The following SUPT5H variants were observed in gnomAD, a reference collection of about 807,000 sequenced individuals.
The protein encoded by SUPT5H is SPT5 homolog, DSIF elongation factor subunit.
SUPT5H carries 24 observed loss-of-function variants against 142.5 expected under a neutral mutation model. The ratio of observed to expected loss-of-function variants is 0.17; its 90% CI spans 0.12 to 0.24. The LOEUF (loss-of-function observed/expected upper bound fraction) is 0.24, where lower values mean the gene tolerates loss of function less well. SUPT5H is among the 10% of genes least tolerant of loss of function. The pLI is 1.00. For synonymous variants in SUPT5H, 546 were observed against 553.0 expected (o/e 0.99, Z 0.18); for missense variants, 893 against 1,471.8 (o/e 0.61, Z 6.43).
rs1486206860 is a variant in SUPT5H at position 39,473,244 on chromosome 19, G to GGACGCCCATGTATGGCTCCCA, written c.2319_2339dup (p.Gln774_Ser780dup). 2 of 1,613,590 alleles carry GGACGCCCATGTATGGCTCCCA rather than the reference G, an allele frequency of 1.2e-6. No homozygotes were observed. On this transcript the variant is annotated inframe_insertion, in exon 24 of 30. Coordinates refer to ENST00000432763, the MANE Select transcript of SUPT5H (RefSeq NM_001111020.3). The surrounding 1 kb of genome is among the most constrained non-coding windows in gnomAD (Gnocchi z 5.8). ...GGCGGCATGACCTCGACCTATGGGA[G>GGACGCCCATGTATGGCTCCCA]GACGCCCATGTATGGCTCCCAGACG...
chr19:39,473,359 G>A lies in SUPT5H; in HGVS notation c.2386+29G>A. The stretch of plus-strand genomic sequence containing the variant: ...AGTGCCCGCAGGGGACAGGGAAGAG[G>A]GGCTAGGGGGACCTAGAGAAGGGAC... On this transcript the variant is annotated intron_variant, in intron 24 of 29. Coordinates refer to ENST00000432763, the MANE Select transcript of SUPT5H (RefSeq NM_001111020.3). The surrounding 1 kb of genome is among the most constrained non-coding windows in gnomAD (Gnocchi z 5.8). The A allele has an allele frequency of 6.2e-7, 1 of 1,613,474 alleles. No homozygotes were observed. Among genetic ancestry groups the A allele is most frequent in the Non-Finnish European group, 8.5e-7 (1 of 1,179,868 alleles).
At position 39,458,330 on chromosome 19, in the gene SUPT5H, C is replaced by A. The variant is rs1568423152; in HGVS notation, c.319+25C>A. The A allele has an allele frequency of 6.4e-7, 1 of 1,566,760 alleles. No individual in the cohort carries two copies. The highest frequency in any genetic ancestry group is 8.7e-7 in the Non-Finnish European group (1 of 1,150,514). ...GGTAAGAATATGAAAAGTGTGATTC[C>A]CTGACCTTCCTCCCATATCCTGACA... On this transcript the variant is annotated intron_variant, in intron 5 of 29. Coordinates refer to ENST00000432763, the MANE Select transcript of SUPT5H (RefSeq NM_001111020.3). The surrounding 1 kb of genome is among the most constrained non-coding windows in gnomAD (Gnocchi z 4.2).
chr19:39,476,620 C>A lies in SUPT5H; in HGVS notation c.*221C>A. On this transcript the variant is annotated 3_prime_UTR_variant, in exon 30 of 30. Transcript: ENST00000432763. The stretch of plus-strand genomic sequence containing the variant: ...ACCTTCCTGTACCTCCTCCCCACAG[C>A]TTGCTTTTGTTGTACCGTCTTTCAA... 1 of 593,260 alleles carries A rather than the reference C, an allele frequency of 1.7e-6. No homozygotes were observed. The highest frequency in any genetic ancestry group is 2.9e-6 in the Non-Finnish European group (1 of 341,120). 36.7% of individuals were successfully genotyped at this position (593,260 alleles called of 1,614,324 possible). A position where few individuals can be genotyped will look rare whatever the true frequency, so the allele number is the denominator to read the frequency against.
Position 39,473,842 on chromosome 19 carries a change from C to A in SUPT5H, c.2493-121C>A. 1 of 1,374,082 alleles carries A rather than the reference C, an allele frequency of 7.3e-7. No homozygotes were observed. Among genetic ancestry groups the A allele is most frequent in the South Asian group, 1.2e-5 (1 of 83,426 alleles). 85.1% of individuals were successfully genotyped at this position (1,374,082 alleles called of 1,614,324 possible). On this transcript the variant is annotated intron_variant, in intron 25 of 29. Transcript: ENST00000432763. This position sits in a 1 kb window ranked among gnomAD's most constrained non-coding sequence, Gnocchi z 5.8. The stretch of plus-strand genomic sequence containing the variant: ...AAGGGAAATAACATCAGGAGTGCCT[C>A]TGGATGGGGCTCCCGTGAGAATGAA...
chr19:39,461,114 AC>A (rs1039191815), intron 10 of SUPT5H, among the ~76,000 whole-genome samples: 1 of 151,716 alleles, frequency 6.6e-6, no homozygotes, highest in Admixed American at 6.6e-5. Context: ...ACATGGTGAA[AC>A]CTTGTCCCTA....
intron 2 of SUPT5H, among the ~76,000 whole-genome samples, chr19:39,451,699 C>G (rs1049033952): frequency 6.6e-6 from 1 of 151,854 alleles, no homozygotes; most frequent in Non-Finnish European, 1.5e-5. Flanking sequence ...GCTGGGCTAG[C>G]TTTTGTATTT....
At chr19:39,464,674 T>A (rs948404657) in intron 10 of SUPT5H, 124 bp from the exon 11 acceptor site, 1 of 1,389,996 alleles carries the variant, frequency 7.2e-7, no homozygotes, top group Non-Finnish European at 9.7e-7. Flanking sequence ...TGTGTCCATG[T>A]CATTGTGCCA....
rs780810398 is a variant in SUPT5H, at chr19:39,471,476, C to T, written c.1797C>T (p.Ile599=). The change falls in exon 19 of 30, where the codon ATC becomes ATT. Residue 599 remains isoleucine, a synonymous_variant. Coordinates refer to ENST00000432763, the MANE Select transcript of SUPT5H (RefSeq NM_001111020.3). ...SEQNNIHVKD[I]VKVIDGPHSG... ...AGAACAACATCCATGTGAAAGACATCGTTAAGGTCATTGATGGCCCCCACT... is the reference window on the plus strand; with the variant it reads ...AGAACAACATCCATGTGAAAGACATTGTTAAGGTCATTGATGGCCCCCACT... 5.0e-6 allele frequency: 8 copies of T among 1,614,084 alleles called. No individual in the cohort carries two copies. In the East Asian group the frequency reaches 6.7e-5, roughly 13 times the overall value.
chr19:39,465,138 G>A, intron 11 of SUPT5H, 89 bp downstream of exon 11: 6 of 1,512,260 alleles, frequency 4.0e-6, no homozygotes, highest in Non-Finnish European at 5.3e-6. Context: ...TCTTTGTGCT[G>A]CAGAGAATAG....
Position 39,453,474 on chromosome 19 carries a change from G to A in SUPT5H, c.194G>A (p.Arg65Gln), listed in dbSNP as rs895933750. The A allele has an allele frequency of 5.8e-6, 9 of 1,550,356 alleles. No individual in the cohort carries two copies. Among genetic ancestry groups the A allele is most frequent in the African/African-American group, 2.7e-5 (2 of 72,980 alleles). ...DEEEEEEDDD[R>Q]PPKKPRHGGF... is the part of the protein sequence containing the mutation. Reference sequence around the variant, plus strand: ...GAAGAGGAGGAAGAAGATGATGACCGACCCCCCAAGAAACCCCGCCATGGA... The same window carrying A: ...GAAGAGGAGGAAGAAGATGATGACCAACCCCCCAAGAAACCCCGCCATGGA... Residue 65 changes from arginine (R) to glutamine (Q), a missense_variant, in exon 3 of 30, where the codon CGA (arginine) becomes CAA (glutamine). By Grantham distance (43) the Arg-to-Gln change is conservative (BLOSUM62 1). This residue lies in a region of SUPT5H where 19 missense variants were observed against 27.2 expected (regional missense o/e 0.70). Transcript: ENST00000432763.
rs372350494 is a variant in SUPT5H, at chr19:39,472,966, A to G, written c.2155+37A>G. On this transcript the variant is annotated intron_variant, in intron 22 of 29. Transcript: ENST00000432763. This position sits in a 1 kb window ranked among gnomAD's most constrained non-coding sequence, Gnocchi z 4.2. The stretch of plus-strand genomic sequence containing the variant: ...GGCCTGTGGAGGCCTGGGGAGGGGC[A>G]TGGTGAAGGAGAGCCTGCCCAGCCT... 7 of 1,611,694 alleles carry G rather than the reference A, an allele frequency of 4.3e-6. No homozygotes were observed. Among genetic ancestry groups the G allele is most frequent in the Admixed American group, 1.7e-5 (1 of 59,932 alleles).
rs550407851 is a variant in SUPT5H at position 39,469,147 on chromosome 19, C to T, written c.1212C>T (p.Asp404=). The T allele has an allele frequency of 2.8e-4, 444 of 1,614,228 alleles. 3 individuals are homozygous for T. The South Asian group carries it at 4.6e-3, about 17-fold the overall frequency. ...TTGAGGACCAGCCAGAGGGCATTGA[C>T]CTGGAGGTGGTGACTGAGAGCACAG... ...EKFEDQPEGI[D]LEVVTESTGK... Residue 404 remains aspartate (D), a synonymous_variant, in exon 15 of 30, where the codon GAC becomes GAT. Transcript: ENST00000432763. This position sits in a 1 kb window ranked among gnomAD's most constrained non-coding sequence, Gnocchi z 5.1.
chr19:39,458,522 C>T lies in SUPT5H; in HGVS notation c.319+217C>T. On this transcript the variant is annotated intron_variant, in intron 5 of 29. Transcript: ENST00000432763. This position sits in a 1 kb window ranked among gnomAD's most constrained non-coding sequence, Gnocchi z 4.2. ...ACGGATGTGTCTGTCTGGGACTGAG[C>T]ATTTGTGGGTGGTAGCGATGTGTGG... 2.2e-6 allele frequency: 2 copies of T among 926,726 alleles called. No homozygotes were observed. Among genetic ancestry groups the T allele is most frequent in the Non-Finnish European group, 3.3e-6 (2 of 613,396 alleles). 57.4% of individuals were successfully genotyped at this position (926,726 alleles called of 1,614,324 possible).
Position 39,474,918 on chromosome 19 carries a change from G to A in SUPT5H, c.3024+200G>A, listed in dbSNP as rs2079381219. ...GCGGGGAATCAGGGAGGGCTGCCTG[G>A]GGAAGGAGAAATCTGAGCCAAGACC... On this transcript the variant is annotated intron_variant, in intron 28 of 29. Coordinates refer to ENST00000432763, the MANE Select transcript of SUPT5H (RefSeq NM_001111020.3). This position sits in a 1 kb window ranked among gnomAD's most constrained non-coding sequence, Gnocchi z 6.5. 3.2e-6 allele frequency: 2 copies of A among 627,338 alleles called. No individual in the cohort carries two copies. Among genetic ancestry groups the A allele is most frequent in the African/African-American group, 3.7e-5 (2 of 54,328 alleles). 38.9% of individuals were successfully genotyped at this position (627,338 alleles called of 1,614,324 possible).
In SUPT5H at chr19:39,469,890, G is replaced by A. The variant is rs2146119868; in HGVS notation, c.1375-229G>A. The stretch of plus-strand genomic sequence containing the variant: ...GGTATAGGTAGGCATCGTGTGTCTT[G>A]AGGGCGGGCTGGGGTAAAGGTTGTC... On this transcript the variant is annotated intron_variant, in intron 16 of 29. Coordinates refer to ENST00000432763, the MANE Select transcript of SUPT5H (RefSeq NM_001111020.3). This position sits in a 1 kb window ranked among gnomAD's most constrained non-coding sequence, Gnocchi z 5.1. 1.8e-6 allele frequency: 1 copy of A among 557,060 alleles called. No homozygotes were observed. Among genetic ancestry groups the A allele is most frequent in the Admixed American group, 3.4e-5 (1 of 29,514 alleles). The allele number at this position is 557,060 out of a possible 1,614,324, so 34.5% of individuals were successfully genotyped here. A position where few individuals can be genotyped will look rare whatever the true frequency, so the allele number is the denominator to read the frequency against.
At position 39,472,866 on chromosome 19, in the gene SUPT5H, C is replaced by T; in HGVS notation, c.2092C>T (p.Arg698Trp). 1.9e-6 allele frequency: 3 copies of T among 1,613,756 alleles called. No homozygotes were observed. The highest frequency in any genetic ancestry group is 2.5e-6 in the Non-Finnish European group (3 of 1,179,846). Residue 698 changes from arginine to tryptophan, a missense_variant, in exon 22 of 30, where the codon CGG becomes TGG. Around this residue, in one of 6 missense-constraint regions of SUPT5H, gnomAD observed 336 missense variants for 546.5 expected, o/e 0.61. Transcript: ENST00000432763. The surrounding 1 kb of genome is among the most constrained non-coding windows in gnomAD (Gnocchi z 4.2). ...CGGCAGTGGTGGCATGAGCAGGGGC[C>T]GGGGCCGGAGGGACAACGAACTCAT... ...GGGSGGMSRGRGRRDNELIGQ... is the reference protein window; with the variant it reads ...GGGSGGMSRGWGRRDNELIGQ...
At chr19:39,453,094 G>A (rs1284674711) in intron 2 of SUPT5H, among the ~76,000 whole-genome samples, 1 of 152,020 alleles carries the variant, frequency 6.6e-6, no homozygotes, top group Non-Finnish European at 1.5e-5. Context: ...AAGACTCGGT[G>A]GAAAGTGAGC....
intron 3 of SUPT5H, among the ~76,000 whole-genome samples, chr19:39,455,489 G>C (rs1450213018): frequency 2.0e-5 from 3 of 151,978 alleles, no homozygotes; most frequent in Non-Finnish European, 4.4e-5. Flanking sequence ...TTGAACCCGG[G>C]AGGTGGAGGT....
rs368119681 is a variant in SUPT5H at position 39,456,244 on chromosome 19, T to G, written c.242-1431T>G. 1.5e-4 allele frequency among the ~76,000 whole-genome samples: 22 copies of G among 151,262 alleles called. No individual in the cohort carries two copies. In the East Asian group the frequency reaches 4.1e-3, roughly 28 times the overall value. On this transcript the variant is annotated intron_variant, in intron 3 of 29. Transcript: ENST00000432763. ...TTTTTTTTTCTTTTTTCTTTTTTTT[T>G]TTAAAGACAGGATCTCACTCCGTTT...
Sources: gnomAD v4.1 joint callset for allele counts (sites outside exome capture counted in the v4.1 genomes callset) on GRCh38, gnomAD v4.1.1 for gene constraint, gnomAD v4.1.1 regional missense constraint, Gnocchi (gnomAD v3.1) non-coding constraint, MANE v1.5 for transcripts, NCBI Gene and HGNC (gene_info 2026-07-23, HGNC 2026-07-21) for gene names.